CHODL: variants seen among roughly 807,000 people sequenced by gnomAD.
The protein encoded by CHODL is transmembrane protein MT75.
A neutral mutation model predicts 34.5 loss-of-function variants in CHODL; 29 were observed. The ratio of observed to expected loss-of-function variants is 0.84; its 90% CI spans 0.63 to 1.15. The LOEUF (loss-of-function observed/expected upper bound fraction) is 1.15. CHODL is among the 50% of genes most tolerant of loss of function. CHODL has a pLI of 0.00. For synonymous variants in CHODL, 125 were observed against 116.1 expected (o/e 1.08, Z -0.49); for missense variants, 332 against 332.5 (o/e 1.00, Z 0.01).
At chr21:18,249,024 A>AT (rs2074197733) in intron 1 of CHODL, among the ~76,000 whole-genome samples, 1 of 120,658 alleles carries the variant, frequency 8.3e-6, no homozygotes, top group African/African-American at 3.4e-5. Context: ...TATTATACAT[A>AT]ATATTAATAT....
chr21:18,248,146 T>C (rs1001085819), intron 1 of CHODL, among the ~76,000 whole-genome samples: 7 of 152,066 alleles, frequency 4.6e-5, no homozygotes, highest in Non-Finnish European at 1.0e-4. Context: ...CAGTTTAACT[T>C]TATTAAAACT....
At chr21:18,110,401 G>A (rs1007023090) in intron 2 of CHODL, among the ~76,000 whole-genome samples, 2 of 152,192 alleles carry the variant, frequency 1.3e-5, no homozygotes, top group African/African-American at 4.8e-5. Flanking sequence ...TGCAGCAAAA[G>A]TGGTGTTGTC....
intron 2 of CHODL, among the ~76,000 whole-genome samples, chr21:18,184,081 C>T (rs927875455): frequency 6.6e-6 from 1 of 152,110 alleles, no homozygotes; most frequent in Non-Finnish European, 1.5e-5. Flanking sequence ...TTAGTTTACT[C>T]TTTCTAATAA....
At chr21:18,003,635 AGTG>A (rs2063932253) in intron 1 of CHODL, among the ~76,000 whole-genome samples, 1 of 152,188 alleles carries the variant, frequency 6.6e-6, no homozygotes, top group African/African-American at 2.4e-5. Context: ...CACACACATT[AGTG>A]GCTAAGAGAA....
chr21:18,122,582 A>T (rs928946989), intron 2 of CHODL, among the ~76,000 whole-genome samples: 3 of 152,172 alleles, frequency 2.0e-5, no homozygotes, highest in Non-Finnish European at 4.4e-5. Context: ...GGCTCTTCCA[A>T]TGCCAGAGAG....
intron 2 of CHODL, among the ~76,000 whole-genome samples, chr21:18,227,932 C>CT (rs1385083897): frequency 6.6e-6 from 1 of 152,058 alleles, no homozygotes; most frequent in African/African-American, 2.4e-5. Context: ...AAGAACAAGA[C>CT]TTTTGTTTTG....
chr21:17,980,118 C>G (rs891866989), intron 1 of CHODL, among the ~76,000 whole-genome samples: 1 of 141,952 alleles, frequency 7.0e-6, no homozygotes, highest in Non-Finnish European at 1.5e-5. Flanking sequence ...GGTCTGGAGA[C>G]AAAAATCTGT....
chr21:18,119,517 A>G (rs905400853), intron 2 of CHODL, among the ~76,000 whole-genome samples: 2 of 152,136 alleles, frequency 1.3e-5, no homozygotes, highest in African/African-American at 4.8e-5. Flanking sequence ...TGTGCCACAA[A>G]GGAAGAGGGT....
At chr21:17,953,497 T>C (rs988848633) in intron 1 of CHODL, among the ~76,000 whole-genome samples, 2 of 151,754 alleles carry the variant, frequency 1.3e-5, no homozygotes, top group African/African-American at 4.8e-5. Flanking sequence ...AAAAATTCAA[T>C]TGAGAAAATA....
At chr21:17,989,379 G>A (rs2063779495) in intron 1 of CHODL, among the ~76,000 whole-genome samples, 1 of 152,072 alleles carries the variant, frequency 6.6e-6, no homozygotes, top group Admixed American at 6.6e-5. Flanking sequence ...AAATTTCATA[G>A]TTTTATCTAA....
In CHODL at chr21:18,225,290, T is replaced by G. The variant is rs527648398; in HGVS notation, c.-44-31219T>G. ...ATCTTAGCTGAAAATGTAACCATTC[T>G]CAAAAAATAGCCATTATCTTTTGTT... is the stretch of plus-strand genomic sequence containing the variant. On this transcript the variant is annotated intron_variant, in intron 2 of 6. Coordinates refer to the CHODL transcript ENST00000400127. Among the ~76,000 whole-genome samples the G allele has an allele frequency of 1.5e-3, 226 of 152,268 alleles. 5 individuals carry two copies. Among genetic ancestry groups the G allele is most frequent in the Middle Eastern group, 3.4e-3 (1 of 294 alleles).
intron 1 of CHODL, among the ~76,000 whole-genome samples, chr21:17,952,709 T>C (rs1339814145): frequency 1.3e-5 from 2 of 152,220 alleles, no homozygotes; most frequent in Non-Finnish European, 2.9e-5. Flanking sequence ...AATGTTCTTA[T>C]TTTCTATTTA....
At chr21:18,120,837 A>G (rs2146576572) in intron 2 of CHODL, among the ~76,000 whole-genome samples, 2 of 152,220 alleles carry the variant, frequency 1.3e-5, no homozygotes, top group Middle Eastern at 3.4e-3. Context: ...CCTGTGTTCA[A>G]ATTGCCTGTG....
At chr21:17,966,263 T>G (rs1383716669) in intron 1 of CHODL, among the ~76,000 whole-genome samples, 1 of 152,146 alleles carries the variant, frequency 6.6e-6, no homozygotes, top group Non-Finnish European at 1.5e-5. Flanking sequence ...AAAAATACAG[T>G]TTTTTCTTTC....
intron 2 of CHODL, among the ~76,000 whole-genome samples, chr21:18,174,925 C>G (rs773501437): frequency 7.1e-4 from 108 of 152,294 alleles, no homozygotes; most frequent in Non-Finnish European, 6.2e-4. Flanking sequence ...GAAAAAGTAT[C>G]TGTGCTCAAA....
At chr21:18,174,149 AT>A (rs2073273021) in intron 2 of CHODL, among the ~76,000 whole-genome samples, 1 of 122,398 alleles carries the variant, frequency 8.2e-6, no homozygotes, top group African/African-American at 3.0e-5. Flanking sequence ...ATATATATAT[AT>A]ATATATATAT....
At chr21:18,158,906 T>C (rs557790064) in intron 2 of CHODL, among the ~76,000 whole-genome samples, 1 of 152,172 alleles carries the variant, frequency 6.6e-6, no homozygotes, top group East Asian at 1.9e-4. Flanking sequence ...TCTTCAATTT[T>C]CTTAGTGTAT....
intron 2 of CHODL, among the ~76,000 whole-genome samples, chr21:18,223,344 T>G (rs753654017): frequency 1.3e-5 from 2 of 152,160 alleles, no homozygotes; most frequent in Non-Finnish European, 2.9e-5. Flanking sequence ...TACATTAAAG[T>G]GTAGCTTTTT....
intron 2 of CHODL, among the ~76,000 whole-genome samples, chr21:18,196,811 G>A (rs1409163934): frequency 6.6e-6 from 1 of 152,144 alleles, no homozygotes; most frequent in Admixed American, 6.5e-5. Context: ...TAGAATGGTG[G>A]TTGCTGGGGG....
Sources: gnomAD v4.1 joint callset for allele counts (sites outside exome capture counted in the v4.1 genomes callset) on GRCh38, gnomAD v4.1.1 for gene constraint, MANE v1.5 for transcripts, NCBI Gene and HGNC (gene_info 2026-07-23, HGNC 2026-07-21) for gene names.